BCL7B: variants seen among roughly 807,000 people sequenced by gnomAD.
BCL7B encodes B-cell CLL/lymphoma 7 protein family member B.
Under a neutral mutation model 26.5 loss-of-function variants are expected in BCL7B, and 11 were observed. The observed-to-expected ratio is 0.42, with a 90% confidence interval of 0.26 to 0.69. The LOEUF (loss-of-function observed/expected upper bound fraction) is 0.69. Among genes scored for constraint, BCL7B ranks in the 30% least tolerant of loss-of-function variants. The pLI is 0.28. For missense variants in BCL7B, 215 were observed against 264.4 expected, an observed-to-expected ratio of 0.81 and a Z score of 1.30; for synonymous variants, 111 against 107.9, an observed-to-expected ratio of 1.03 and a Z score of -0.18.
In BCL7B at chr7:73,542,879, A is replaced by G. The variant is rs1554583025; in HGVS notation, c.265+669T>C. ...TGCTTGAGGCCAGGAGTTCACAACC[A>G]GCCTGGACAACATAGCCAGACTCTG... On this transcript the variant is annotated intron_variant, in intron 3 of 5. Coordinates refer to ENST00000223368, the MANE Select transcript of BCL7B (RefSeq NM_001707.4). The G allele has an allele frequency of 6.7e-6, 3 of 450,552 alleles. No individual in the cohort carries two copies. The Admixed American group carries it at 7.2e-5, about 11-fold the overall frequency. The allele number at this position is 450,552 out of a possible 1,614,324, so 27.9% of individuals were successfully genotyped here.
chr7:73,541,142 G>A (rs183435153), intron 3 of BCL7B, among the ~76,000 whole-genome samples: 11 of 152,048 alleles, frequency 7.2e-5, no homozygotes, highest in Admixed American at 2.6e-4. Context: ...GCGAGACTCC[G>A]TCTCAAAAAA....
Position 73,536,860 on chromosome 7 carries a change from GC to G in BCL7B, c.*437del, listed in dbSNP as rs1791549151. ...CAGTCCTCCAACAGCAGCCTACAGG[GC>G]CCCCAGTCCTAGGGGAAAGTCCGGG... is the stretch of plus-strand genomic sequence containing the variant. On this transcript the variant is annotated 3_prime_UTR_variant, in exon 6 of 6. Transcript: ENST00000223368. 1.3e-5 allele frequency: 2 copies of G among 156,756 alleles called. No homozygotes were observed. Among genetic ancestry groups the G allele is most frequent in the East Asian group, 1.8e-4 (1 of 5,422 alleles). 9.7% of individuals were successfully genotyped at this position (156,756 alleles called of 1,614,324 possible).
At chr7:73,553,085 C>A (rs1353937742) in intron 1 of BCL7B, among the ~76,000 whole-genome samples, 2 of 151,538 alleles carry the variant, frequency 1.3e-5, no homozygotes, top group Non-Finnish European at 2.9e-5. Context: ...CCACGCCCAG[C>A]CAAATTTTTA....
Position 73,539,918 on chromosome 7 carries a change from A to C in BCL7B, c.400T>G (p.Ser134Ala), listed in dbSNP as rs1202112147. The change falls in exon 4 of 6, where the codon TCC becomes GCC. Residue 134 changes from serine to alanine, a missense_variant. Ser to Ala is a moderately conservative substitution (Grantham distance 99, BLOSUM62 1). Transcript: ENST00000223368. ...AHTSDFRTDD[S>A]QPPTLGQEIL... Reference sequence around the variant, plus strand: ...TCCTGGCCCAGCGTTGGGGGCTGGGAGTCATCCGTGCGGAAGTCGGAGGTG... The same window carrying C: ...TCCTGGCCCAGCGTTGGGGGCTGGGCGTCATCCGTGCGGAAGTCGGAGGTG... 1 of 1,613,774 alleles carries C rather than the reference A, an allele frequency of 6.2e-7. No individual in the cohort carries two copies. Among genetic ancestry groups the C allele is most frequent in the Non-Finnish European group, 8.5e-7 (1 of 1,180,014 alleles).
At chr7:73,547,152 C>CA (rs1203789926) in intron 2 of BCL7B, among the ~76,000 whole-genome samples, 42 of 144,326 alleles carry the variant, frequency 2.9e-4, no homozygotes, top group African/African-American at 8.4e-4. Context: ...AACTCCATCT[C>CA]AAAAAAAAAA....
chr7:73,549,962 G>A (rs1792096429), intron 2 of BCL7B, among the ~76,000 whole-genome samples: 1 of 152,238 alleles, frequency 6.6e-6, no homozygotes, highest in Non-Finnish European at 1.5e-5. Context: ...AAGAGCTGCA[G>A]AGAGGTCTGC....
intron 4 of BCL7B, among the ~76,000 whole-genome samples, chr7:73,539,211 C>T (rs1791657525): frequency 1.3e-5 from 2 of 152,052 alleles, no homozygotes; most frequent in Admixed American, 1.3e-4. Flanking sequence ...CCACCCACTT[C>T]GGCCTCCCAA....
chr7:73,537,528 G>A (rs924338734), intron 5 of BCL7B, 138 bp from the exon 6 acceptor site: 21 of 659,204 alleles, frequency 3.2e-5, no homozygotes, highest in Non-Finnish European at 4.7e-5. Flanking sequence ...ACAACCCTGG[G>A]ACTCATTTCC....
At chr7:73,552,649 C>T (rs1224431341) in intron 1 of BCL7B, among the ~76,000 whole-genome samples, 1 of 151,720 alleles carries the variant, frequency 6.6e-6, no homozygotes, top group Non-Finnish European at 1.5e-5. Flanking sequence ...GGCGTGGTGG[C>T]GTGTGCCTGT....
At chr7:73,543,470 A>T in intron 3 of BCL7B, 78 bp downstream of exon 3, 1 of 1,371,544 alleles carries the variant, frequency 7.3e-7, no homozygotes, top group Non-Finnish European at 1.0e-6. Context: ...GAGTCACTGC[A>T]CCTGGCCAAT....
At chr7:73,543,399 AACT>A in intron 3 of BCL7B, 146 bp downstream of exon 3, 1 of 687,568 alleles carries the variant, frequency 1.5e-6, no homozygotes, top group Non-Finnish European at 2.5e-6. Context: ...GCTCGTCTTG[AACT>A]CCTGACCTCA....
At chr7:73,543,843 C>G (rs1309869017) in intron 2 of BCL7B, 199 bp from the exon 3 acceptor site, 1 of 527,394 alleles carries the variant, frequency 1.9e-6, no homozygotes, top group Non-Finnish European at 3.4e-6. Context: ...AAAAATGAAC[C>G]CTTCCAGCAG....
intron 2 of BCL7B, among the ~76,000 whole-genome samples, chr7:73,546,626 C>CCA (rs1554583507): frequency 6.6e-6 from 1 of 151,632 alleles, no homozygotes; most frequent in Non-Finnish European, 1.5e-5. Context: ...TGAGATCATG[C>CCA]CACTGCACTC....
chr7:73,543,539 G>A lies in BCL7B; in HGVS notation c.265+9C>T, dbSNP rs1791848125. On this transcript the variant is annotated intron_variant, in intron 3 of 5. Transcript: ENST00000223368. Reference sequence around the variant, plus strand: ...TCTCCTGCAAGGAAGACACAGAGATGCAACTCACCCTGGAATTCAAGAAGG... The same window carrying A: ...TCTCCTGCAAGGAAGACACAGAGATACAACTCACCCTGGAATTCAAGAAGG... 6.2e-7 allele frequency: 1 copy of A among 1,610,126 alleles called. No individual in the cohort carries two copies. Among genetic ancestry groups the A allele is most frequent in the Non-Finnish European group, 8.5e-7 (1 of 1,176,676 alleles).
Position 73,552,151 on chromosome 7 carries a change from T to C in BCL7B, c.168+16A>G. 2.5e-6 allele frequency: 4 copies of C among 1,597,214 alleles called. No individual in the cohort carries two copies. Among genetic ancestry groups the C allele is most frequent in the East Asian group, 2.2e-5 (1 of 44,764 alleles). On this transcript the variant is annotated intron_variant, in intron 2 of 5. Transcript: ENST00000223368. ...AATAAAGAAAATGGTATCTTTTGAT[T>C]TTCTTCCACACTTACCTCCTTGCTG... is the stretch of plus-strand genomic sequence containing the variant.
At chr7:73,540,217 G>A (rs1008651707) in intron 3 of BCL7B, 165 bp from the exon 4 acceptor site, 11 of 696,676 alleles carry the variant, frequency 1.6e-5, no homozygotes, top group Admixed American at 1.2e-4. Context: ...AAGCACCAGA[G>A]GCAGCCAGAA....
intron 2 of BCL7B, chr7:73,543,895 C>A (rs536707563): frequency 2.5e-6 from 1 of 406,530 alleles, no homozygotes. Context: ...ACATACACTT[C>A]GACTAGAACA....
At position 73,552,245 on chromosome 7, in the gene BCL7B, AAAAG is replaced by A; in HGVS notation, c.93-7_93-4del. On this transcript the variant is annotated splice_polypyrimidine_tract_variant and splice_region_variant and intron_variant, in intron 1 of 5. Transcript: ENST00000223368. The stretch of plus-strand genomic sequence containing the variant: ...CCACAGTCACCCACTTCTTCTCCCT[AAAAG>A]AAAGACACTTCTTAGAACGGATAAA... The A allele has an allele frequency of 2.5e-6, 4 of 1,607,294 alleles. No homozygotes were observed. The highest frequency in any genetic ancestry group is 3.4e-6 in the Non-Finnish European group (4 of 1,177,488).
intron 3 of BCL7B, among the ~76,000 whole-genome samples, chr7:73,541,727 A>G (rs557451784): frequency 6.6e-6 from 1 of 152,030 alleles, no homozygotes; most frequent in Non-Finnish European, 1.5e-5. Flanking sequence ...TCAGCCTCCC[A>G]AAGTGCTGGG....
Sources: allele counts gnomAD v4.1 joint callset (sites outside exome capture counted in the v4.1 genomes callset), GRCh38; gene constraint gnomAD v4.1.1; transcripts MANE v1.5; gene names NCBI Gene and HGNC (gene_info 2026-07-23, HGNC 2026-07-21).